Variants in VWA5B2 observed in about 807,000 individuals in gnomAD.
VWA5B2 encodes the protein von Willebrand factor A domain-containing protein 5B2.
VWA5B2 carries 93 observed loss-of-function variants against 118.5 expected under a neutral mutation model. The ratio of observed to expected loss-of-function variants is 0.79; its 90% CI spans 0.66 to 0.93. The LOEUF is 0.93. VWA5B2 is among the 40% of genes least tolerant of loss of function. The pLI, the probability that VWA5B2 is intolerant of heterozygous loss-of-function variation, is 0.00. For synonymous variants in VWA5B2, 708 were observed against 716.3 expected, an observed-to-expected ratio of 0.99 and a Z score of 0.19; for missense variants, 1,546 against 1,672.8, an observed-to-expected ratio of 0.92 and a Z score of 1.32.
chr3:184,234,916 G>T (rs1309831426), intron 7 of VWA5B2, 161 bp downstream of exon 7: 19 of 1,214,894 alleles, frequency 1.6e-5, no homozygotes, highest in Non-Finnish European at 2.1e-5. Flanking sequence ...GATGAGTATT[G>T]TCATTGGAGG....
chr3:184,237,545 C>A lies in VWA5B2; in HGVS notation c.1719+134C>A. ...TCTCTACCAAGCTTCTCTACTATCC[C>A]CTAGGACTCCACAGAGATCACACTG... is the stretch of plus-strand genomic sequence containing the variant. On this transcript the variant is annotated intron_variant, in intron 12 of 19. Coordinates refer to ENST00000691901, the MANE Select transcript of VWA5B2 (RefSeq NM_001390846.1). The surrounding 1 kb of genome is among the most constrained non-coding windows in gnomAD (Gnocchi z 5.6). 1 of 960,358 alleles carries A rather than the reference C, an allele frequency of 1.0e-6. No individual in the cohort carries two copies. The highest frequency in any genetic ancestry group is 1.5e-6 in the Non-Finnish European group (1 of 660,100). The allele number at this position is 960,358 out of a possible 1,614,324, so 59.5% of individuals were successfully genotyped here. A position where few individuals can be genotyped will look rare whatever the true frequency, so the allele number is the denominator to read the frequency against.
At position 184,241,391 on chromosome 3, in the gene VWA5B2, A is replaced by G. The variant is rs1659334988; in HGVS notation, c.3167A>G (p.Asp1056Gly). 1 of 1,580,112 alleles carries G rather than the reference A, an allele frequency of 6.3e-7. No individual in the cohort carries two copies. The highest frequency in any genetic ancestry group is 1.8e-5 in the Admixed American group (1 of 55,774). Residue 1056 changes from aspartate to glycine, a missense_variant, in exon 19 of 20, where the codon GAC (aspartate) becomes GGC (glycine). Physicochemically the swap from Asp to Gly is moderately conservative, Grantham distance 94 (BLOSUM62 -1). Coordinates refer to ENST00000691901, the MANE Select transcript of VWA5B2 (RefSeq NM_001390846.1). This position sits in a 1 kb window ranked among gnomAD's most constrained non-coding sequence, Gnocchi z 5.1. ...AACAACAGTGAAGGCAGCGACCATG[A>G]CTACCTGCCCTTGGTGAGGACTCGG... Reference protein sequence around the residue: ...QANNSEGSDHDYLPLVRLQEA... With the variant: ...QANNSEGSDHGYLPLVRLQEA...
At position 184,236,653 on chromosome 3, in the gene VWA5B2, G is replaced by T. The variant is rs1313490920; in HGVS notation, c.1437G>T (p.Gly479=). 8 of 1,551,280 alleles carry T rather than the reference G, an allele frequency of 5.2e-6. No individual in the cohort carries two copies. The highest frequency in any genetic ancestry group is 6.1e-6 in the Non-Finnish European group (7 of 1,146,682). ...HRGTARCFSF[G]LGPTCHQLLQ... ...CCTTCATCAGATGCTTCTCCTTTGG[G>T]CTGGGGCCCACCTGCCACCAGCTGC... Residue 479 remains glycine (G), a synonymous_variant, in exon 11 of 20, where the codon GGG becomes GGT. Coordinates refer to ENST00000691901, the MANE Select transcript of VWA5B2 (RefSeq NM_001390846.1).
At position 184,242,274 on chromosome 3, in the gene VWA5B2, T is replaced by C; in HGVS notation, c.*236T>C. Reference sequence around the variant, plus strand: ...ATCCTCTGAGCTCCCTGCAACACAGTGGAAGGGTAGAGAGCCACAGTCCCC... The same window carrying C: ...ATCCTCTGAGCTCCCTGCAACACAGCGGAAGGGTAGAGAGCCACAGTCCCC... On this transcript the variant is annotated 3_prime_UTR_variant, in exon 20 of 20. Transcript: ENST00000691901. 2 of 737,540 alleles carry C rather than the reference T, an allele frequency of 2.7e-6. No individual in the cohort carries two copies. The highest frequency in any genetic ancestry group is 4.6e-6 in the Non-Finnish European group (2 of 435,558). The allele number at this position is 737,540 out of a possible 1,614,324, so 45.7% of individuals were successfully genotyped here.
In VWA5B2 at chr3:184,229,643, A is replaced by G. The variant is rs1717169223; in HGVS notation, c.-220A>G. ...CCGGCAGGTGCCGGGACCGAGGGCC[A>G]CCCGGAGCGCAGAGGCGGCACCACC... On this transcript the variant is annotated 5_prime_UTR_variant, in exon 1 of 20. Transcript: ENST00000691901. Among the ~76,000 whole-genome samples, 1 of 152,038 alleles carries G rather than the reference A, an allele frequency of 6.6e-6. No individual in the cohort carries two copies. Among genetic ancestry groups the G allele is most frequent in the African/African-American group, 2.4e-5 (1 of 41,408 alleles).
Position 184,233,425 on chromosome 3 carries a change from C to A in VWA5B2, c.530+28C>A. 1 of 1,501,576 alleles carries A rather than the reference C, an allele frequency of 6.7e-7. No homozygotes were observed. Among genetic ancestry groups the A allele is most frequent in the Non-Finnish European group, 8.9e-7 (1 of 1,124,174 alleles). The allele number at this position is 1,501,576 out of a possible 1,614,324, so 93.0% of individuals were successfully genotyped here. ...TGGGCCTATGGTGATTCTCTTCGTC[C>A]CTCCCTCGGCTTCTCTGGGTCTAGT... On this transcript the variant is annotated intron_variant, in intron 4 of 19. Transcript: ENST00000691901. The surrounding 1 kb of genome is among the most constrained non-coding windows in gnomAD (Gnocchi z 5.2).
rs556592025 is a variant in VWA5B2 at position 184,237,772 on chromosome 3, T to C, written c.1719+361T>C. Among the ~76,000 whole-genome samples the C allele has an allele frequency of 6.6e-6, 1 of 152,350 alleles. No individual in the cohort carries two copies. The highest frequency in any genetic ancestry group is 2.4e-5 in the African/African-American group (1 of 41,594). ...CTATAGAAAGCACCAGCCAGCGTAT[T>C]TTCTGGGACACGCAGTGATGGATGA... On this transcript the variant is annotated intron_variant, in intron 12 of 19. Coordinates refer to ENST00000691901, the MANE Select transcript of VWA5B2 (RefSeq NM_001390846.1). The surrounding 1 kb of genome is among the most constrained non-coding windows in gnomAD (Gnocchi z 5.6).
At position 184,241,109 on chromosome 3, in the gene VWA5B2, T is replaced by A; in HGVS notation, c.2962+2T>A. The A allele has an allele frequency of 1.9e-6, 3 of 1,551,628 alleles. No individual in the cohort carries two copies. The highest frequency in any genetic ancestry group is 2.6e-6 in the Non-Finnish European group (3 of 1,146,974). On this transcript the variant is annotated splice_donor_variant, in intron 18 of 19. Transcript: ENST00000691901. LOFTEE classifies it high-confidence loss of function. This position sits in a 1 kb window ranked among gnomAD's most constrained non-coding sequence, Gnocchi z 5.1. The stretch of plus-strand genomic sequence containing the variant: ...TGCCCACTGTTGTCTACTCTAAAGG[T>A]AACACCCAAAGGTAGGGAAAGGGTA...
Position 184,241,951 on chromosome 3 carries a change from C to T in VWA5B2, c.3642C>T (p.Ala1214=). 6.5e-7 allele frequency: 1 copy of T among 1,549,634 alleles called. No individual in the cohort carries two copies. The highest frequency in any genetic ancestry group is 1.7e-4 in the Middle Eastern group (1 of 5,992). ...PDGLDLAALK[A]AARGLFLLLR... ...GCCTTGACCTGGCCGCCCTCAAGGC[C>T]GCAGCCCGAGGGCTCTTCCTGCTAC... Residue 1214 remains alanine (A), a synonymous_variant, in exon 20 of 20, where the codon GCC becomes GCT. Coordinates refer to ENST00000691901, the MANE Select transcript of VWA5B2 (RefSeq NM_001390846.1). This position sits in a 1 kb window ranked among gnomAD's most constrained non-coding sequence, Gnocchi z 5.1.
At position 184,241,252 on chromosome 3, in the gene VWA5B2, T is replaced by G. The variant is rs1415314053; in HGVS notation, c.3028T>G (p.Leu1010Val). The G allele has an allele frequency of 1.7e-5, 27 of 1,551,090 alleles. 1 individual carries two copies. Among genetic ancestry groups the G allele is most frequent in the Non-Finnish European group, 1.0e-5 (12 of 1,146,948 alleles). ...SDQNGNSKRA[L>V]GDPATPTEGP... ...CCAAAATGGCAACTCCAAGCGTGCT[T>G]TGGGGGACCCTGCCACTCCCACGGA... The change falls in exon 19 of 20, where the codon TTG (leucine) becomes GTG (valine). Residue 1010 changes from leucine to valine, a missense_variant. Leu to Val is a conservative substitution (Grantham distance 32). This residue lies in a region of VWA5B2 where 763 missense variants were observed against 766.6 expected (regional missense o/e 1.00). Coordinates refer to ENST00000691901, the MANE Select transcript of VWA5B2 (RefSeq NM_001390846.1). This position sits in a 1 kb window ranked among gnomAD's most constrained non-coding sequence, Gnocchi z 5.1.
intron 11 of VWA5B2, 140 bp downstream of exon 11, chr3:184,236,889 A>G (rs1293868800): frequency 1.1e-5 from 8 of 759,560 alleles, no homozygotes; most frequent in Non-Finnish European, 1.7e-5. Flanking sequence ...CAATCAGGGG[A>G]AGAGCTGTTG....
rs1718600628 is a variant in VWA5B2, at chr3:184,241,288, C to T, written c.3064C>T (p.Arg1022Cys). ...DPATPTEGPRRPPPRPPCRLS... is the reference protein window; with the variant it reads ...DPATPTEGPRCPPPRPPCRLS... ...TGCCACTCCCACGGAAGGTCCTCGC[C>T]GCCCACCTCCCCGTCCTCCCTGTCG... is the stretch of plus-strand genomic sequence containing the variant. The change falls in exon 19 of 20, where the codon CGC becomes TGC. Residue 1022 changes from arginine to cysteine, a missense_variant. This residue lies in a region of VWA5B2 where 763 missense variants were observed against 766.6 expected (regional missense o/e 1.00). Coordinates refer to ENST00000691901, the MANE Select transcript of VWA5B2 (RefSeq NM_001390846.1). This position sits in a 1 kb window ranked among gnomAD's most constrained non-coding sequence, Gnocchi z 5.1. 1.3e-6 allele frequency: 2 copies of T among 1,551,354 alleles called. No individual in the cohort carries two copies. The highest frequency in any genetic ancestry group is 2.7e-5 in the African/African-American group (2 of 73,184).
Position 184,241,753 on chromosome 3 carries a change from C to G in VWA5B2, c.3444C>G (p.Thr1148=). Residue 1148 remains threonine (T), a synonymous_variant, in exon 20 of 20, where the codon ACC becomes ACG. Coordinates refer to ENST00000691901, the MANE Select transcript of VWA5B2 (RefSeq NM_001390846.1). The surrounding 1 kb of genome is among the most constrained non-coding windows in gnomAD (Gnocchi z 5.1). ...TGGACAGTGGGCGGGGCTCAGACACCGAGGCCTCCGAGGGGGCGGAAGGGC... is the reference window on the plus strand; with the variant it reads ...TGGACAGTGGGCGGGGCTCAGACACGGAGGCCTCCGAGGGGGCGGAAGGGC... ...GQVDSGRGSD[T]EASEGAEGLG... 6.8e-7 allele frequency: 1 copy of G among 1,481,376 alleles called. No individual in the cohort carries two copies. 91.8% of individuals were successfully genotyped at this position (1,481,376 alleles called of 1,614,324 possible). A position where few individuals can be genotyped will look rare whatever the true frequency, so the allele number is the denominator to read the frequency against.
chr3:184,241,759 C>T lies in VWA5B2; in HGVS notation c.3450C>T (p.Ala1150=), dbSNP rs1466420900. The change falls in exon 20 of 20, where the codon GCC becomes GCT. Residue 1150 remains alanine (A), a synonymous_variant. Transcript: ENST00000691901. This position sits in a 1 kb window ranked among gnomAD's most constrained non-coding sequence, Gnocchi z 5.1. ...VDSGRGSDTE[A]SEGAEGLGGT... The stretch of plus-strand genomic sequence containing the variant: ...GTGGGCGGGGCTCAGACACCGAGGC[C>T]TCCGAGGGGGCGGAAGGGCTGGGCG... 4.7e-6 allele frequency: 7 copies of T among 1,483,000 alleles called. No homozygotes were observed. Among genetic ancestry groups the T allele is most frequent in the African/African-American group, 1.4e-5 (1 of 71,722 alleles). The allele number at this position is 1,483,000 out of a possible 1,614,324, so 91.9% of individuals were successfully genotyped here. A position where few individuals can be genotyped will look rare whatever the true frequency, so the allele number is the denominator to read the frequency against.
rs1036164974 is a variant in VWA5B2, at chr3:184,240,811, C to T, written c.2761C>T (p.Leu921Phe). The stretch of plus-strand genomic sequence containing the variant: ...CACAGGCCATGCCCGGAGGTGCTGG[C>T]TTCGAGCCCTTCAGACAAGTAAGGT... ...ADRGHARRCW[L>F]RALQTSKVSS... The change falls in exon 17 of 20, where the codon CTT becomes TTT. Residue 921 changes from leucine (L) to phenylalanine (F), a missense_variant. By Grantham distance (22) the Leu-to-Phe change is conservative. Around this residue, in one of 3 missense-constraint regions of VWA5B2, gnomAD observed 763 missense variants for 766.6 expected, o/e 1.00. Coordinates refer to ENST00000691901, the MANE Select transcript of VWA5B2 (RefSeq NM_001390846.1). The T allele has an allele frequency of 7.1e-6, 11 of 1,551,192 alleles. No individual in the cohort carries two copies. In the African/African-American group the frequency reaches 9.6e-5, roughly 14 times the overall value.
In VWA5B2 at chr3:184,241,619, T is replaced by C; in HGVS notation, c.3310T>C (p.Ser1104Pro). Reference sequence around the variant, plus strand: ...GCACCGCGCCAGCCTCAGCCCCACCTCGGCCTCATTGCCCTGGGCACTTCT... The same window carrying C: ...GCACCGCGCCAGCCTCAGCCCCACCCCGGCCTCATTGCCCTGGGCACTTCT... ...AVHRASLSPT[S>P]ASLPWALLGP... is the part of the protein sequence containing the mutation. Residue 1104 changes from serine (S) to proline (P), a missense_variant, in exon 20 of 20, where the codon TCG (serine) becomes CCG (proline). Ser to Pro is a moderately conservative substitution (Grantham distance 74, BLOSUM62 -1). Transcript: ENST00000691901. The surrounding 1 kb of genome is among the most constrained non-coding windows in gnomAD (Gnocchi z 5.1). 6.5e-7 allele frequency: 1 copy of C among 1,542,312 alleles called. No homozygotes were observed. Among genetic ancestry groups the C allele is most frequent in the Non-Finnish European group, 8.7e-7 (1 of 1,146,532 alleles).
chr3:184,241,841 C>G lies in VWA5B2; in HGVS notation c.3532C>G (p.His1178Asp), dbSNP rs759034432. Reference sequence around the variant, plus strand: ...TGCCGTAGCACTCGCCTGGCTGGAGCACCGATGCGCCGCTGCCTTCGACGA... The same window carrying G: ...TGCCGTAGCACTCGCCTGGCTGGAGGACCGATGCGCCGCTGCCTTCGACGA... The part of the protein sequence containing the change: ...ATAVALAWLE[H>D]RCAAAFDEWE... Residue 1178 changes from histidine (H) to aspartate (D), a missense_variant, in exon 20 of 20, where the codon CAC becomes GAC. His to Asp is a moderately conservative substitution (Grantham distance 81). Around this residue, in one of 3 missense-constraint regions of VWA5B2, gnomAD observed 763 missense variants for 766.6 expected, o/e 1.00. Coordinates refer to ENST00000691901, the MANE Select transcript of VWA5B2 (RefSeq NM_001390846.1). This position sits in a 1 kb window ranked among gnomAD's most constrained non-coding sequence, Gnocchi z 5.1. 47 of 1,534,742 alleles carry G rather than the reference C, an allele frequency of 3.1e-5. No individual in the cohort carries two copies. In the East Asian group the frequency reaches 3.7e-4, roughly 12 times the overall value.
Position 184,238,508 on chromosome 3 carries a change from G to A in VWA5B2, c.1891+34G>A, listed in dbSNP as rs1448730499. On this transcript the variant is annotated intron_variant, in intron 13 of 19. Coordinates refer to ENST00000691901, the MANE Select transcript of VWA5B2 (RefSeq NM_001390846.1). The surrounding 1 kb of genome is among the most constrained non-coding windows in gnomAD (Gnocchi z 5.0). Reference sequence around the variant, plus strand: ...CCAGGTGTATGTGTGTGGCTGTATTGGAGTGGGCGCTGGGAGGGGTCAGGG... The same window carrying A: ...CCAGGTGTATGTGTGTGGCTGTATTAGAGTGGGCGCTGGGAGGGGTCAGGG... 6.5e-7 allele frequency: 1 copy of A among 1,535,990 alleles called. No homozygotes were observed. The highest frequency in any genetic ancestry group is 8.8e-7 in the Non-Finnish European group (1 of 1,135,236).
intron 8 of VWA5B2, 88 bp from the exon 9 acceptor site, chr3:184,236,064 G>A (rs1717945210): frequency 8.1e-7 from 1 of 1,229,098 alleles, no homozygotes; most frequent in Non-Finnish European, 1.2e-6. Context: ...TTGAATCACA[G>A]CCTGGATAAC....
Sources: allele counts gnomAD v4.1 joint callset (sites outside exome capture counted in the v4.1 genomes callset), GRCh38; gene constraint gnomAD v4.1.1; regional missense constraint gnomAD v4.1.1; non-coding constraint Gnocchi (gnomAD v3.1); transcripts MANE v1.5; gene names NCBI Gene and HGNC (gene_info 2026-07-23, HGNC 2026-07-21).